UBTD2: variants seen among roughly 807,000 people sequenced by gnomAD.
The protein encoded by UBTD2 is ubiquitin domain containing 2, also known as ubiquitin domain-containing protein 2.
UBTD2 carries 9 observed loss-of-function variants against 19.8 expected under a neutral mutation model. The observed-to-expected ratio is 0.46, with a 90% CI of 0.27 to 0.79. The LOEUF (loss-of-function observed/expected upper bound fraction) is 0.79, where lower values mean the gene tolerates loss of function less well. UBTD2 is among the 30% of genes least tolerant of loss of function. UBTD2 has a pLI of 0.14. For synonymous variants in UBTD2, 98 were observed against 103.9 expected, an observed-to-expected ratio of 0.94 and a Z score of 0.35; for missense variants, 250 against 300.4, an observed-to-expected ratio of 0.83 and a Z score of 1.24.
At chr5:172,269,791 G>A (rs1486066387) in intron 1 of UBTD2, among the ~76,000 whole-genome samples, 7 of 148,368 alleles carry the variant, frequency 4.7e-5, no homozygotes, top group African/African-American at 1.7e-4. Context: ...TTAAGAGTCA[G>A]GGTAGGCCAG....
intron 1 of UBTD2, among the ~76,000 whole-genome samples, chr5:172,262,291 A>G (rs1755284373): frequency 6.6e-6 from 1 of 151,476 alleles, no homozygotes; most frequent in Non-Finnish European, 1.5e-5. Flanking sequence ...CTCTACTAAA[A>G]ATACAAAAAT....
chr5:172,275,118 C>T (rs2113132691), intron 1 of UBTD2, among the ~76,000 whole-genome samples: 1 of 152,222 alleles, frequency 6.6e-6, no homozygotes, highest in Middle Eastern at 3.4e-3. Flanking sequence ...GCTGGGGAGG[C>T]CTCAGGAAAC....
At chr5:172,232,142 A>G (rs12652112) in intron 2 of UBTD2, among the ~76,000 whole-genome samples, 49,229 of 151,978 alleles carry the variant, frequency 0.32, 8,065 homozygotes, top group South Asian at 0.42. Context: ...GCCTGGTGGC[A>G]CATGCCTGTA....
intron 1 of UBTD2, among the ~76,000 whole-genome samples, chr5:172,263,849 C>CTGTGTG (rs1234224827): frequency 2.9e-5 from 1 of 34,142 alleles, no homozygotes; most frequent in Non-Finnish European, 4.9e-5. Context: ...ATGCACGTGC[C>CTGTGTG]TCTGTGTGTG....
At chr5:172,256,598 G>T (rs1255001938) in intron 1 of UBTD2, among the ~76,000 whole-genome samples, 1 of 144,926 alleles carries the variant, frequency 6.9e-6, no homozygotes, top group African/African-American at 2.5e-5. Flanking sequence ...TACACTTTTT[G>T]ATATTTTTCT....
At chr5:172,212,351 G>T in intron 2 of UBTD2, 124 bp from the exon 3 acceptor site, 1 of 1,016,942 alleles carries the variant, frequency 9.8e-7, no homozygotes, top group Non-Finnish European at 1.4e-6. Flanking sequence ...ATCACTCTCA[G>T]CTGATCATCA....
intron 1 of UBTD2, chr5:172,255,191 G>A (rs893788854): frequency 2.2e-6 from 1 of 450,144 alleles, no homozygotes; most frequent in Non-Finnish European, 4.4e-6. Context: ...AGGAACTTGA[G>A]AGAGGGGTGC....
intron 1 of UBTD2, chr5:172,255,314 G>C: frequency 2.2e-6 from 1 of 456,962 alleles, no homozygotes; most frequent in South Asian, 1.8e-5. Context: ...TCAGGCAATT[G>C]TGTGGAGTAG....
chr5:172,283,519 C>A lies in UBTD2; in HGVS notation c.70+77G>T. The A allele has an allele frequency of 8.6e-7, 1 of 1,160,700 alleles. No homozygotes were observed. Among genetic ancestry groups the A allele is most frequent in the Non-Finnish European group, 1.1e-6 (1 of 915,718 alleles). 71.9% of individuals were successfully genotyped at this position (1,160,700 alleles called of 1,614,324 possible). On this transcript the variant is annotated intron_variant, in intron 1 of 2. Coordinates refer to ENST00000393792, the MANE Select transcript of UBTD2 (RefSeq NM_152277.3). This position sits in a 1 kb window ranked among gnomAD's most constrained non-coding sequence, Gnocchi z 4.3. Reference sequence around the variant, plus strand: ...AAGGGGCGCGGGGGCCCGGCGCGGCCCGCGGGGGTCGGGACAGGTGGCCGG... The same window carrying A: ...AAGGGGCGCGGGGGCCCGGCGCGGCACGCGGGGGTCGGGACAGGTGGCCGG...
chr5:172,277,217 C>T (rs998819324), intron 1 of UBTD2, among the ~76,000 whole-genome samples: 3 of 151,952 alleles, frequency 2.0e-5, no homozygotes, highest in African/African-American at 7.2e-5. Context: ...TGCTAATAAC[C>T]TTTCATCAGA....
chr5:172,249,149 G>C (rs528328806), intron 1 of UBTD2, among the ~76,000 whole-genome samples: 5 of 152,210 alleles, frequency 3.3e-5, no homozygotes, highest in Non-Finnish European at 7.4e-5. Context: ...TGTAATCCCA[G>C]CACTTTGGAA....
At chr5:172,221,114 GAA>G (rs1471070468) in intron 2 of UBTD2, among the ~76,000 whole-genome samples, 1 of 152,198 alleles carries the variant, frequency 6.6e-6, no homozygotes, top group Non-Finnish European at 1.5e-5. Context: ...ACTAAATAGA[GAA>G]AGAGTCCATG....
chr5:172,240,684 G>A (rs1018438889), intron 1 of UBTD2, among the ~76,000 whole-genome samples: 6 of 151,778 alleles, frequency 4.0e-5, no homozygotes, highest in East Asian at 3.9e-4. Flanking sequence ...TTCTTAATGG[G>A]TCAGTCTTAT....
chr5:172,269,137 C>T (rs911706066), intron 1 of UBTD2, among the ~76,000 whole-genome samples: 5 of 151,994 alleles, frequency 3.3e-5, no homozygotes, highest in Admixed American at 2.0e-4. Flanking sequence ...AGGTGACAGG[C>T]GTTCAAGGGT....
chr5:172,216,976 A>T (rs1771556402), intron 2 of UBTD2, among the ~76,000 whole-genome samples: 1 of 152,068 alleles, frequency 6.6e-6, no homozygotes, highest in Non-Finnish European at 1.5e-5. Flanking sequence ...AAAAAACCAC[A>T]CACACACACA....
At position 172,212,207 on chromosome 5, in the gene UBTD2, C is replaced by T. The variant is rs746821079; in HGVS notation, c.328G>A (p.Asp110Asn). The change falls in exon 3 of 3, where the codon GAT becomes AAT. Residue 110 changes from aspartate (D) to asparagine (N), a missense_variant. By Grantham distance (23) the Asp-to-Asn change is conservative. Coordinates refer to ENST00000393792, the MANE Select transcript of UBTD2 (RefSeq NM_152277.3). ...AGCTGATATCTGTTCCCCAGTTCAT[C>T]GTAGCACTCTGTAAGTGCACCTTCA... The part of the protein sequence containing the change: ...LPHGALTECY[D>N]ELGNRYQLPV... 1.9e-6 allele frequency: 3 copies of T among 1,605,108 alleles called. No individual in the cohort carries two copies. The highest frequency in any genetic ancestry group is 2.2e-5 in the East Asian group (1 of 44,630).
intron 1 of UBTD2, among the ~76,000 whole-genome samples, chr5:172,261,694 G>A (rs1322437864): frequency 1.3e-5 from 2 of 151,630 alleles, no homozygotes; most frequent in Non-Finnish European, 2.9e-5. Context: ...GCACGATCTC[G>A]GCTCACTGCA....
intron 1 of UBTD2, among the ~76,000 whole-genome samples, chr5:172,246,332 G>T (rs184135981): frequency 6.6e-6 from 1 of 151,664 alleles, no homozygotes; most frequent in Non-Finnish European, 1.5e-5. Context: ...AAAAAAAACC[G>T]GAGGGAACAA....
chr5:172,258,016 C>T (rs936048270), intron 1 of UBTD2, among the ~76,000 whole-genome samples: 1 of 152,092 alleles, frequency 6.6e-6, no homozygotes, highest in African/African-American at 2.4e-5. Flanking sequence ...TTACTTAGGT[C>T]CCACCTGTCA....
Sources: gnomAD v4.1 joint callset for allele counts (sites outside exome capture counted in the v4.1 genomes callset) on GRCh38, gnomAD v4.1.1 for gene constraint, Gnocchi (gnomAD v3.1) non-coding constraint, MANE v1.5 for transcripts, NCBI Gene and HGNC (gene_info 2026-07-23, HGNC 2026-07-21) for gene names.